Variants in ZBTB46 observed in about 807,000 individuals in gnomAD.
ZBTB46 encodes the protein zinc finger and BTB domain-containing protein 46.
ZBTB46 carries 8 observed loss-of-function variants against 44.1 expected under a neutral mutation model. That is an observed-to-expected ratio of 0.18 (90% CI 0.11 to 0.33). The LOEUF (loss-of-function observed/expected upper bound fraction) is 0.33. Ranked by LOEUF, ZBTB46 falls within the 10% of genes least tolerant of loss-of-function variation. The pLI is 1.00. For synonymous variants in ZBTB46, 409 were observed against 382.3 expected, an observed-to-expected ratio of 1.07 and a Z score of -0.81; for missense variants, 651 against 847.7, an observed-to-expected ratio of 0.77 and a Z score of 2.88.
At chr20:63,788,702 G>T (rs757116184) in intron 2 of ZBTB46, among the ~76,000 whole-genome samples, 4 of 152,012 alleles carry the variant, frequency 2.6e-5, no homozygotes, top group Admixed American at 1.3e-4. Context: ...ATCTGGGCGT[G>T]GTGGCACGTG....
chr20:63,798,695 T>C (rs1163947807), intron 1 of ZBTB46, among the ~76,000 whole-genome samples: 1 of 8,540 alleles, frequency 1.2e-4, no homozygotes, highest in Admixed American at 1.0e-3. Context: ...AAAAAAAAAT[T>C]AGCTGGGCAT....
At chr20:63,755,348 G>C (rs558192732) in intron 3 of ZBTB46, among the ~76,000 whole-genome samples, 1 of 152,362 alleles carries the variant, frequency 6.6e-6, no homozygotes, top group African/African-American at 2.4e-5. Flanking sequence ...CTCTCCAGTA[G>C]CTCCGGGGAG....
rs1268004293 is a variant in ZBTB46 at position 63,752,321 on chromosome 20, G to T, written c.1398+365C>A. On this transcript the variant is annotated intron_variant, in intron 4 of 4. Coordinates refer to ENST00000245663, the MANE Select transcript of ZBTB46 (RefSeq NM_001369741.1). This position sits in a 1 kb window ranked among gnomAD's most constrained non-coding sequence, Gnocchi z 5.6. The stretch of plus-strand genomic sequence containing the variant: ...GGGCGCGGTGGGTGCAGACAGGTCG[G>T]CAGGCACAAGGACAGGGTTCTCCCT... 6.6e-6 allele frequency among the ~76,000 whole-genome samples: 1 copy of T among 151,820 alleles called. No homozygotes were observed. Among genetic ancestry groups the T allele is most frequent in the Non-Finnish European group, 1.5e-5 (1 of 67,970 alleles).
At chr20:63,792,183 G>C (rs1289140049) in intron 1 of ZBTB46, among the ~76,000 whole-genome samples, 1 of 152,054 alleles carries the variant, frequency 6.6e-6, no homozygotes, top group African/African-American at 2.4e-5. Context: ...TCACATTCTG[G>C]GGTCCTAGGG....
chr20:63,783,923 T>C (rs2092491246), intron 2 of ZBTB46, among the ~76,000 whole-genome samples: 1 of 152,180 alleles, frequency 6.6e-6, no homozygotes, highest in Non-Finnish European at 1.5e-5. Flanking sequence ...CGAAACATTG[T>C]TCAGGAGGCC....
intron 3 of ZBTB46, among the ~76,000 whole-genome samples, chr20:63,774,698 GTTTTTTTTTTT>G (rs1346483058): frequency 1.4e-5 from 1 of 71,706 alleles, no homozygotes; most frequent in Non-Finnish European, 3.2e-5. Context: ...GGTTTTTTTT[GTTTTTTTTTTT>G]GTTTTTTTTT....
chr20:63,803,944 C>A lies in ZBTB46; in HGVS notation c.-33-13154G>T, dbSNP rs940441348. 6.6e-6 allele frequency among the ~76,000 whole-genome samples: 1 copy of A among 152,186 alleles called. No individual in the cohort carries two copies. Among genetic ancestry groups the A allele is most frequent in the Non-Finnish European group, 1.5e-5 (1 of 68,038 alleles). On this transcript the variant is annotated intron_variant, in intron 1 of 4. Transcript: ENST00000245663. This position sits in a 1 kb window ranked among gnomAD's most constrained non-coding sequence, Gnocchi z 4.0. ...GGTCTTGAATTCCTAAACGAACCTG[C>A]CGCCCTGGCTTCTCAAAGCGCTGGG...
intron 1 of ZBTB46, among the ~76,000 whole-genome samples, chr20:63,798,679 A>AAAAAAAG (rs2092621373): frequency 7.2e-6 from 1 of 138,098 alleles, no homozygotes; most frequent in Non-Finnish European, 1.6e-5. Context: ...TGTCTCAAAA[A>AAAAAAAG]AAAAAAAAAA....
rs1404697448 is a variant in ZBTB46 at position 63,747,261 on chromosome 20, C to T, written c.1439G>A (p.Ser480Asn). Residue 480 changes from serine to asparagine, a missense_variant, in exon 5 of 5, where the codon AGC becomes AAC. By Grantham distance (46) the Ser-to-Asn change is conservative (BLOSUM62 1). Coordinates refer to ENST00000245663, the MANE Select transcript of ZBTB46 (RefSeq NM_001369741.1). ...GCTGGCGGCGGACATGAAGACGCGG[C>T]TGCACACCTTGCACACATACTTCTT... is the stretch of plus-strand genomic sequence containing the variant. ...KDKKYVCKVCSRVFMSAASVG... is the reference protein window; with the variant it reads ...KDKKYVCKVCNRVFMSAASVG... The T allele has an allele frequency of 1.3e-6, 2 of 1,549,650 alleles. No individual in the cohort carries two copies. Among genetic ancestry groups the T allele is most frequent in the Non-Finnish European group, 1.7e-6 (2 of 1,149,908 alleles).
At chr20:63,805,046 G>C (rs1017989938) in intron 1 of ZBTB46, among the ~76,000 whole-genome samples, 1 of 150,920 alleles carries the variant, frequency 6.6e-6, no homozygotes, top group African/African-American at 2.4e-5. Context: ...TCAGCCTCCT[G>C]AGTAGCTGAC....
At chr20:63,827,985 A>G (rs1169183386) in intron 1 of ZBTB46, among the ~76,000 whole-genome samples, 1 of 152,236 alleles carries the variant, frequency 6.6e-6, no homozygotes, top group African/African-American at 2.4e-5. Context: ...CAGTGGCACA[A>G]TCATAGTTCA....
In ZBTB46 at chr20:63,766,957, G is replaced by A. The variant is rs73321616; in HGVS notation, c.1222+8721C>T. On this transcript the variant is annotated intron_variant, in intron 3 of 4. Coordinates refer to ENST00000245663, the MANE Select transcript of ZBTB46 (RefSeq NM_001369741.1). ...TATTCCAGAATCTGGAATGGGGGAT[G>A]CCTATCCCCCTCCTGAGCCCACCTG... Among the ~76,000 whole-genome samples, 473 of 152,288 alleles carry A rather than the reference G, an allele frequency of 3.1e-3. 3 individuals are homozygous for A. The highest frequency in any genetic ancestry group is 0.011 in the African/African-American group (466 of 41,566).
intron 1 of ZBTB46, among the ~76,000 whole-genome samples, chr20:63,804,187 C>G (rs540557835): frequency 6.6e-6 from 1 of 152,316 alleles, no homozygotes; most frequent in South Asian, 2.1e-4. Flanking sequence ...ATCCCTCCAG[C>G]TCCAGCCAGG....
At chr20:63,759,261 G>A (rs1182492167) in intron 3 of ZBTB46, among the ~76,000 whole-genome samples, 1 of 124,814 alleles carries the variant, frequency 8.0e-6, no homozygotes, top group African/African-American at 3.6e-5. Context: ...TCGTACATTG[G>A]CTGTATATCC....
At chr20:63,794,293 G>C (rs2092584317) in intron 1 of ZBTB46, among the ~76,000 whole-genome samples, 1 of 152,064 alleles carries the variant, frequency 6.6e-6, no homozygotes, top group Non-Finnish European at 1.5e-5. Flanking sequence ...CTGGGCTCAA[G>C]CAATCCTCTT....
chr20:63,769,490 C>G (rs1426943392), intron 3 of ZBTB46: 18 of 962,652 alleles, frequency 1.9e-5, no homozygotes, highest in Non-Finnish European at 2.1e-5. Flanking sequence ...GCGGTGTGAG[C>G]CCGGTGATGC....
chr20:63,793,840 C>T (rs912696687), intron 1 of ZBTB46, among the ~76,000 whole-genome samples: 4 of 152,046 alleles, frequency 2.6e-5, no homozygotes, highest in Non-Finnish European at 4.4e-5. Flanking sequence ...GTTATATACT[C>T]AGAGATTTTA....
At position 63,764,434 on chromosome 20, in the gene ZBTB46, T is replaced by C. The variant is rs1202306240; in HGVS notation, c.1222+11244A>G. 2.7e-5 allele frequency among the ~76,000 whole-genome samples: 4 copies of C among 148,920 alleles called. No homozygotes were observed. The East Asian group carries it at 7.9e-4, about 29-fold the overall frequency. ...CTAGGTGACTGAGCGAGGCCCTGTC[T>C]CAAAAAAAAAAAAAATTGTGATGAA... On this transcript the variant is annotated intron_variant, in intron 3 of 4. Coordinates refer to ENST00000245663, the MANE Select transcript of ZBTB46 (RefSeq NM_001369741.1).
At chr20:63,770,274 G>A (rs56735637) in intron 3 of ZBTB46, among the ~76,000 whole-genome samples, 3,113 of 152,296 alleles carry the variant, frequency 0.02, 117 homozygotes, top group African/African-American at 0.07. Context: ...CGCCAGCCCA[G>A]CACAACTTGT....
Sources: allele counts gnomAD v4.1 joint callset (sites outside exome capture counted in the v4.1 genomes callset), GRCh38; gene constraint gnomAD v4.1.1; non-coding constraint Gnocchi (gnomAD v3.1); transcripts MANE v1.5; gene names NCBI Gene and HGNC (gene_info 2026-07-23, HGNC 2026-07-21).